The following ARHGAP15 variants were observed in gnomAD, a reference collection of about 807,000 sequenced individuals.
The protein encoded by ARHGAP15 is Rho GTPase activating protein 15, also known as rho GTPase-activating protein 15.
In ARHGAP15, 51 loss-of-function variants were observed where a neutral mutation model predicts 63.7. That is an observed-to-expected ratio of 0.80 (90% confidence interval 0.64 to 1.01). The LOEUF (loss-of-function observed/expected upper bound fraction) is 1.01, where lower values mean the gene tolerates loss of function less well. ARHGAP15 is among the 50% of genes least tolerant of loss of function. ARHGAP15 has a pLI of 0.00. For synonymous variants in ARHGAP15, 191 were observed against 193.8 expected (o/e 0.99, Z 0.12); for missense variants, 560 against 564.6 (o/e 0.99, Z 0.08).
At chr2:143,616,895 A>G (rs891521043) in intron 11 of ARHGAP15, among the ~76,000 whole-genome samples, 1 of 152,204 alleles carries the variant, frequency 6.6e-6, no homozygotes, top group East Asian at 1.9e-4. Flanking sequence ...ATTGGACTTG[A>G]GTTGAGTTTT....
intron 6 of ARHGAP15, among the ~76,000 whole-genome samples, chr2:143,278,111 G>C (rs1681654437): frequency 1.3e-5 from 2 of 152,096 alleles, no homozygotes; most frequent in Admixed American, 1.3e-4. Context: ...ACAGTGCCAG[G>C]GTTGGTTAAT....
intron 9 of ARHGAP15, among the ~76,000 whole-genome samples, chr2:143,511,641 G>C (rs770536628): frequency 6.6e-6 from 1 of 152,074 alleles, no homozygotes; most frequent in African/African-American, 2.4e-5. Flanking sequence ...TCCAGGACAA[G>C]AGACATGAGC....
chr2:143,251,460 G>A (rs1031481826), intron 6 of ARHGAP15, among the ~76,000 whole-genome samples: 5 of 152,032 alleles, frequency 3.3e-5, no homozygotes, highest in Admixed American at 6.5e-5. Flanking sequence ...TTAATATTGG[G>A]TCCTATGGAA....
rs989258074 is a variant in ARHGAP15, at chr2:143,495,478, C to T, written c.826+7983C>T. On this transcript the variant is annotated intron_variant, in intron 9 of 13. Transcript: ENST00000295095. ...GAGCTCATTTTTCTAACTACACTCA[C>T]TTATATAGTGTCATGCAACTGCTGG... Among the ~76,000 whole-genome samples the T allele has an allele frequency of 2.0e-5, 3 of 152,264 alleles. 1 individual carries two copies. The highest frequency in any genetic ancestry group is 1.9e-4 in the East Asian group (1 of 5,180).
chr2:143,478,391 G>A (rs1218195351), intron 8 of ARHGAP15, among the ~76,000 whole-genome samples: 3 of 152,150 alleles, frequency 2.0e-5, no homozygotes, highest in South Asian at 4.2e-4. Flanking sequence ...GATGATTTAA[G>A]ACCTTAGGTT....
intron 13 of ARHGAP15, among the ~76,000 whole-genome samples, chr2:143,704,778 A>C (rs943975092): frequency 6.6e-6 from 1 of 152,194 alleles, no homozygotes; most frequent in Non-Finnish European, 1.5e-5. Context: ...CACCTCAATC[A>C]CTCATAATTT....
intron 5 of ARHGAP15, among the ~76,000 whole-genome samples, chr2:143,231,530 G>C (rs11888606): frequency 6.6e-6 from 1 of 151,898 alleles, no homozygotes; most frequent in Non-Finnish European, 1.5e-5. Flanking sequence ...AAAGTTTCCC[G>C]GTGCCCCCAT....
chr2:143,522,783 G>C (rs139757475), intron 10 of ARHGAP15, among the ~76,000 whole-genome samples: 1 of 152,150 alleles, frequency 6.6e-6, no homozygotes, highest in African/African-American at 2.4e-5. Context: ...CTGGGCCATG[G>C]GTTGGGAAAG....
intron 6 of ARHGAP15, among the ~76,000 whole-genome samples, chr2:143,388,239 A>C (rs937839588): frequency 6.6e-6 from 1 of 152,226 alleles, no homozygotes; most frequent in African/African-American, 2.4e-5. Context: ...ACAGTGTTCA[A>C]AGAAGCTGTC....
chr2:143,457,257 G>GGT (rs2105148515), intron 8 of ARHGAP15, among the ~76,000 whole-genome samples: 1 of 152,140 alleles, frequency 6.6e-6, no homozygotes, highest in Non-Finnish European at 1.5e-5. Flanking sequence ...AGTGGATGTA[G>GGT]GTGAGGCATG....
chr2:143,497,154 T>TA (rs1692851583), intron 9 of ARHGAP15, among the ~76,000 whole-genome samples: 1 of 152,224 alleles, frequency 6.6e-6, no homozygotes, highest in African/African-American at 2.4e-5. Context: ...CTCTGTGCTC[T>TA]AACTCAAATC....
chr2:143,378,069 GT>G (rs1686894289), intron 6 of ARHGAP15, among the ~76,000 whole-genome samples: 1 of 151,966 alleles, frequency 6.6e-6, no homozygotes, highest in African/African-American at 2.4e-5. Context: ...TAAACATAAT[GT>G]TTACTGAAAT....
At chr2:143,331,124 G>A (rs779736071) in intron 6 of ARHGAP15, among the ~76,000 whole-genome samples, 18 of 152,148 alleles carry the variant, frequency 1.2e-4, no homozygotes, top group Non-Finnish European at 2.4e-4. Context: ...CCAACTATGA[G>A]CCCACACATA....
Position 143,768,253 on chromosome 2 carries a change from A to ATAT in ARHGAP15, c.*83_*85dup. ...ACATTTCTGTAAACATATTTCTGAA[A>ATAT]TATTTTTTGCCTTTCAAGCGACAGA... On this transcript the variant is annotated 3_prime_UTR_variant, in exon 14 of 14. Coordinates refer to ENST00000295095, the MANE Select transcript of ARHGAP15 (RefSeq NM_018460.4). 7.0e-7 allele frequency: 1 copy of ATAT among 1,422,524 alleles called. No homozygotes were observed. Among genetic ancestry groups the ATAT allele is most frequent in the Non-Finnish European group, 9.4e-7 (1 of 1,064,492 alleles). The allele number at this position is 1,422,524 out of a possible 1,614,324, so 88.1% of individuals were successfully genotyped here.
At chr2:143,309,868 G>A (rs1007587309) in intron 6 of ARHGAP15, among the ~76,000 whole-genome samples, 26 of 66,610 alleles carry the variant, frequency 3.9e-4, no homozygotes, top group African/African-American at 1.2e-3. Context: ...ATATGAACTT[G>A]TGTGTGTGTG....
chr2:143,151,345 T>C (rs1689809512), intron 1 of ARHGAP15, among the ~76,000 whole-genome samples: 1 of 151,970 alleles, frequency 6.6e-6, no homozygotes, highest in South Asian at 2.1e-4. Flanking sequence ...CAGAATGCAA[T>C]GTTAATGTCC....
intron 6 of ARHGAP15, among the ~76,000 whole-genome samples, chr2:143,281,092 A>G (rs1430260033): frequency 6.6e-6 from 1 of 152,122 alleles, no homozygotes; most frequent in African/African-American, 2.4e-5. Flanking sequence ...ACAAATCAAG[A>G]AAAGTAACAA....
chr2:143,378,593 C>T (rs1192766963), intron 6 of ARHGAP15, among the ~76,000 whole-genome samples: 1 of 152,064 alleles, frequency 6.6e-6, no homozygotes, highest in African/African-American at 2.4e-5. Context: ...AACTTTGAAT[C>T]ACTCAAGAGT....
At chr2:143,156,241 A>G (rs1192537828) in intron 2 of ARHGAP15, among the ~76,000 whole-genome samples, 1 of 151,864 alleles carries the variant, frequency 6.6e-6, no homozygotes, top group Non-Finnish European at 1.5e-5. Flanking sequence ...GATGAACTCT[A>G]CTGCCAATTG....
Sources: allele counts gnomAD v4.1 joint callset (sites outside exome capture counted in the v4.1 genomes callset), GRCh38; gene constraint gnomAD v4.1.1; transcripts MANE v1.5; gene names NCBI Gene and HGNC (gene_info 2026-07-23, HGNC 2026-07-21).